The following TRPC4AP variants were observed in gnomAD, a reference collection of about 807,000 sequenced individuals.
TRPC4AP encodes the protein transient receptor potential cation channel subfamily C member 4 associated protein, also known as short transient receptor potential channel 4-associated protein.
A neutral mutation model predicts 99.0 loss-of-function variants in TRPC4AP; 45 were observed. That is an observed-to-expected ratio of 0.45 (90% CI 0.36 to 0.58). TRPC4AP has a LOEUF of 0.58. TRPC4AP is among the 20% of genes least tolerant of loss of function. The probability of loss-of-function intolerance (pLI) is 0.00; values close to 1 mark genes in which losing one functional copy is unlikely to be tolerated. For missense variants in TRPC4AP, 879 were observed against 985.3 expected (o/e 0.89, Z 1.44); for synonymous variants, 408 against 385.8 (o/e 1.06, Z -0.67).
At position 35,032,012 on chromosome 20, in the gene TRPC4AP, T is replaced by C. The variant is rs188957875; in HGVS notation, c.1051+3111A>G. ...TCAATCGATTCTCATGCCTCAGCAATCCAAGTAGCTGGGATTCCAGGTGTG... is the reference window on the plus strand; with the variant it reads ...TCAATCGATTCTCATGCCTCAGCAACCCAAGTAGCTGGGATTCCAGGTGTG... On this transcript the variant is annotated intron_variant, in intron 8 of 18. Transcript: ENST00000252015. Among the ~76,000 whole-genome samples the C allele has an allele frequency of 2.0e-5, 3 of 152,232 alleles. No individual in the cohort carries two copies. In the East Asian group the frequency reaches 5.8e-4, roughly 30 times the overall value.
intron 13 of TRPC4AP, 64 bp from the exon 14 acceptor site, chr20:35,007,704 C>A: frequency 6.5e-7 from 1 of 1,546,216 alleles, no homozygotes; most frequent in Non-Finnish European, 8.9e-7. Context: ...TTCAGTTCTC[C>A]AAGGGGTTGG....
At chr20:35,056,867 T>A (rs2083841225) in intron 4 of TRPC4AP, among the ~76,000 whole-genome samples, 1 of 150,534 alleles carries the variant, frequency 6.6e-6, no homozygotes, top group Non-Finnish European at 1.5e-5. Flanking sequence ...GCGCCTGTAA[T>A]CCCAGCTACT....
chr20:35,083,645 T>C (rs935232742), intron 1 of TRPC4AP, among the ~76,000 whole-genome samples: 1 of 150,880 alleles, frequency 6.6e-6, no homozygotes, highest in Admixed American at 6.6e-5. Flanking sequence ...TAACTTCCAA[T>C]TTATACTTCT....
chr20:35,024,825 C>CCAAAAAAA (rs1555904985), intron 8 of TRPC4AP, among the ~76,000 whole-genome samples: 521 of 35,622 alleles, frequency 0.015, 90 homozygotes, highest in Middle Eastern at 0.032. Flanking sequence ...GAGACCGTCT[C>CCAAAAAAA]AAAAAAAAAA....
chr20:35,015,545 C>A (rs1295997120), intron 10 of TRPC4AP, among the ~76,000 whole-genome samples: 1 of 149,436 alleles, frequency 6.7e-6, no homozygotes, highest in African/African-American at 2.5e-5. Flanking sequence ...TCACTGCAAC[C>A]TCTGCCTCCT....
At chr20:35,051,807 T>C (rs1415908624) in intron 5 of TRPC4AP, among the ~76,000 whole-genome samples, 1 of 152,122 alleles carries the variant, frequency 6.6e-6, no homozygotes, top group East Asian at 1.9e-4. Context: ...GGCTGTCAAA[T>C]ACACAACCCT....
intron 9 of TRPC4AP, among the ~76,000 whole-genome samples, chr20:35,020,275 G>A (rs2061942517): frequency 6.6e-6 from 1 of 152,138 alleles, no homozygotes; most frequent in South Asian, 2.1e-4. Context: ...GCAGTCAGAG[G>A]AATGACTTCT....
In TRPC4AP at chr20:35,091,966, C is replaced by T. The variant is rs181154318; in HGVS notation, c.168+648G>A. Among the ~76,000 whole-genome samples the T allele has an allele frequency of 6.6e-5, 10 of 151,844 alleles. No homozygotes were observed. The East Asian group carries it at 1.4e-3, about 21-fold the overall frequency. ...GAACCCAGGCCTGACTCCAGAGTCC[C>T]TCTTAACCGTGACGCTCTACACTAG... On this transcript the variant is annotated intron_variant, in intron 1 of 18. Transcript: ENST00000252015.
intron 5 of TRPC4AP, among the ~76,000 whole-genome samples, chr20:35,050,713 A>C (rs1214945922): frequency 2.3e-5 from 1 of 44,128 alleles, no homozygotes; most frequent in Non-Finnish European, 6.9e-5. Flanking sequence ...ACCCTAACTC[A>C]AAAAAAAAAA....
chr20:35,036,595 G>A (rs909667621), intron 7 of TRPC4AP, among the ~76,000 whole-genome samples: 1 of 152,150 alleles, frequency 6.6e-6, no homozygotes, highest in Non-Finnish European at 1.5e-5. Context: ...GATGTCTGGG[G>A]TTTACTTCAA....
At chr20:35,043,726 A>C (rs1453023488) in intron 7 of TRPC4AP, among the ~76,000 whole-genome samples, 2 of 152,230 alleles carry the variant, frequency 1.3e-5, no homozygotes, top group Admixed American at 1.3e-4. Context: ...AACTAATGAT[A>C]AAATAGAACA....
chr20:35,025,740 T>C (rs966699356), intron 8 of TRPC4AP, among the ~76,000 whole-genome samples: 1 of 152,204 alleles, frequency 6.6e-6, no homozygotes, highest in African/African-American at 2.4e-5. Flanking sequence ...TCTTTTCACT[T>C]TCCTCATTGT....
At position 35,050,488 on chromosome 20, in the gene TRPC4AP, G is replaced by A. The variant is rs974237513; in HGVS notation, c.529-494C>T. Among the ~76,000 whole-genome samples the A allele has an allele frequency of 6.6e-5, 10 of 152,200 alleles. No individual in the cohort carries two copies. The South Asian group carries it at 1.9e-3, about 28-fold the overall frequency. On this transcript the variant is annotated intron_variant, in intron 5 of 18. Coordinates refer to ENST00000252015, the MANE Select transcript of TRPC4AP (RefSeq NM_015638.3). ...CCAGCACTTTGGGAGGCCAAGGTGG[G>A]CAGATCACTTGAGGCCAGGAGTTCG...
chr20:35,039,163 T>A (rs1268827132), intron 7 of TRPC4AP, among the ~76,000 whole-genome samples: 1 of 148,404 alleles, frequency 6.7e-6, no homozygotes, highest in East Asian at 1.9e-4. Flanking sequence ...TTTACTCTTA[T>A]ACTTCTGTTC....
chr20:35,070,167 T>C (rs1328236891), intron 2 of TRPC4AP, among the ~76,000 whole-genome samples: 1 of 152,074 alleles, frequency 6.6e-6, no homozygotes, highest in Non-Finnish European at 1.5e-5. Flanking sequence ...CAACAGCACA[T>C]GAAGCAGAGG....
intron 13 of TRPC4AP, among the ~76,000 whole-genome samples, chr20:35,008,102 G>C (rs146782388): frequency 6.6e-6 from 1 of 152,298 alleles, no homozygotes; most frequent in East Asian, 1.9e-4. Flanking sequence ...GGGCACAGCG[G>C]GTATCCACGA....
rs193203917 is a variant in TRPC4AP, at chr20:35,057,516, T to A, written c.470A>T (p.Lys157Ile). ...PTISIRGQKL[K>I]ISDEMSKDCL... ...CAGTAGCTAATAGGTATACTTACTTTTCAGTTTCTGTCCCCGGATAGAGAT... is the reference window on the plus strand; with the variant it reads ...CAGTAGCTAATAGGTATACTTACTTATCAGTTTCTGTCCCCGGATAGAGAT... The change falls in exon 4 of 19, where the codon AAA (lysine) becomes ATA (isoleucine). Residue 157 changes from lysine to isoleucine, a missense_variant and splice_region_variant. Lys to Ile is a moderately radical substitution (Grantham distance 102). Transcript: ENST00000252015. The A allele has an allele frequency of 6.2e-7, 1 of 1,611,716 alleles. No individual in the cohort carries two copies. The highest frequency in any genetic ancestry group is 2.2e-5 in the East Asian group (1 of 44,752).
Position 35,029,266 on chromosome 20 carries a change from A to G in TRPC4AP, c.1051+5857T>C, listed in dbSNP as rs79398449. ...TCTGTCCCTCCAACTTTTTAAAAGT[A>G]CAGCCTCTCCAGCTTTCTCGTGGAT... On this transcript the variant is annotated intron_variant, in intron 8 of 18. Coordinates refer to ENST00000252015, the MANE Select transcript of TRPC4AP (RefSeq NM_015638.3). Among the ~76,000 whole-genome samples the G allele has an allele frequency of 6.6e-5, 10 of 152,318 alleles. 1 individual carries two copies. In the South Asian group the frequency reaches 1.9e-3, roughly 28 times the overall value.
intron 2 of TRPC4AP, among the ~76,000 whole-genome samples, chr20:35,073,032 T>A (rs2084364385): frequency 6.6e-6 from 1 of 152,168 alleles, no homozygotes; most frequent in South Asian, 2.1e-4. Context: ...AGTATTTTAG[T>A]CTCTTTGTAG....
Sources: allele counts gnomAD v4.1 joint callset (sites outside exome capture counted in the v4.1 genomes callset), GRCh38; gene constraint gnomAD v4.1.1; transcripts MANE v1.5; gene names NCBI Gene and HGNC (gene_info 2026-07-23, HGNC 2026-07-21).